The following RAB38 variants were observed in gnomAD, a reference collection of about 807,000 sequenced individuals.
The protein encoded by RAB38 is RAB38, member RAS oncogene family.
Under a neutral mutation model 18.4 loss-of-function variants are expected in RAB38, and 15 were observed. The ratio of observed to expected loss-of-function variants is 0.82; its 90% confidence interval spans 0.55 to 1.26. RAB38 has a LOEUF of 1.26. Among genes scored for constraint, RAB38 ranks in the 50% most tolerant of loss-of-function variants. The pLI is 0.00. For synonymous variants in RAB38, 101 were observed against 104.4 expected (o/e 0.97, Z 0.20); for missense variants, 294 against 267.4 (o/e 1.10, Z -0.69).
the RAB38 span, among the ~76,000 whole-genome samples, chr11:87,907,623 TA>T: frequency 1.5e-3 from 226 of 151,812 alleles, no homozygotes; most frequent in African/African-American, 5.3e-3. Context: ...AAACCATGGA[TA>T]TTTTTGACAT....
chr11:87,815,478 A>G, the RAB38 span: 1 of 152,144 alleles, frequency 6.6e-6, no homozygotes, highest in South Asian at 2.1e-4. Context: ...TAAGCCTAGA[A>G]TATCTTTGGA....
chr11:88,028,993 C>T, the RAB38 span, among the ~76,000 whole-genome samples: 12 of 152,076 alleles, frequency 7.9e-5, no homozygotes, highest in African/African-American at 2.9e-4. Flanking sequence ...GGTCGGGTTA[C>T]CCTCAAAGGG....
chr11:87,876,677 C>CT, the RAB38 span, among the ~76,000 whole-genome samples: 1 of 151,422 alleles, frequency 6.6e-6, no homozygotes, highest in Non-Finnish European at 1.5e-5. Context: ...TTTCCATTGT[C>CT]TTTAAGTTTG....
chr11:87,866,681 G>A, the RAB38 span, among the ~76,000 whole-genome samples: 3 of 151,694 alleles, frequency 2.0e-5, no homozygotes, highest in African/African-American at 7.3e-5. Context: ...AGTGGGCAAG[G>A]TGGTGGAACT....
chr11:87,864,888 C>A, the RAB38 span, among the ~76,000 whole-genome samples: 1 of 151,940 alleles, frequency 6.6e-6, no homozygotes, highest in Non-Finnish European at 1.5e-5. Flanking sequence ...CCTAAACAAA[C>A]TTCCAGAGAT....
intron 2 of RAB38, among the ~76,000 whole-genome samples, chr11:88,146,934 G>A (rs1942994617): frequency 6.6e-6 from 1 of 152,172 alleles, no homozygotes; most frequent in African/African-American, 2.4e-5. Context: ...TGGAGGATTA[G>A]AAATCCAGTA....
chr11:87,974,601 A>G, the RAB38 span, among the ~76,000 whole-genome samples: 4 of 151,890 alleles, frequency 2.6e-5, no homozygotes, highest in African/African-American at 9.7e-5. Flanking sequence ...CCTCAAATAT[A>G]GCAAAAATTG....
chr11:87,893,022 A>G, the RAB38 span, among the ~76,000 whole-genome samples: 1 of 151,734 alleles, frequency 6.6e-6, no homozygotes, highest in Non-Finnish European at 1.5e-5. Context: ...ACATAAGACA[A>G]TAAATATAAA....
chr11:87,924,032 G>C, the RAB38 span, among the ~76,000 whole-genome samples: 1 of 148,814 alleles, frequency 6.7e-6, no homozygotes, highest in Non-Finnish European at 1.5e-5. Flanking sequence ...AGTAAATACA[G>C]ACACACACAC....
the RAB38 span, among the ~76,000 whole-genome samples, chr11:88,029,664 C>A: frequency 6.6e-6 from 1 of 152,128 alleles, no homozygotes; most frequent in African/African-American, 2.4e-5. Context: ...GGCATCAATT[C>A]AACAAGAAGA....
chr11:87,973,622 A>T, the RAB38 span, among the ~76,000 whole-genome samples: 1 of 143,446 alleles, frequency 7.0e-6, no homozygotes, highest in South Asian at 2.4e-4. Flanking sequence ...GTTACTAGAC[A>T]GGACAAAGCT....
At chr11:88,006,678 A>C in the RAB38 span, among the ~76,000 whole-genome samples, 1 of 145,806 alleles carries the variant, frequency 6.9e-6, no homozygotes. Flanking sequence ...AGCCATAAAA[A>C]ATGAAATCCT....
chr11:88,163,221 G>C (rs1418660179), intron 1 of RAB38, among the ~76,000 whole-genome samples: 4 of 152,106 alleles, frequency 2.6e-5, no homozygotes, highest in African/African-American at 9.7e-5. Flanking sequence ...GGTACCCTAA[G>C]AGGCTGTTAC....
At chr11:87,947,741 T>A in the RAB38 span, among the ~76,000 whole-genome samples, 1 of 152,174 alleles carries the variant, frequency 6.6e-6, no homozygotes, top group Non-Finnish European at 1.5e-5. Flanking sequence ...GTTCCATTGG[T>A]CTATATCTCT....
the RAB38 span, among the ~76,000 whole-genome samples, chr11:88,027,801 A>C: frequency 0.072 from 10,886 of 152,034 alleles, 631 homozygotes; most frequent in African/African-American, 0.14. Flanking sequence ...GGGGGCAGGG[A>C]ACAGACAAAC....
the RAB38 span, among the ~76,000 whole-genome samples, chr11:88,019,122 C>G: frequency 1.3e-5 from 2 of 152,028 alleles, no homozygotes; most frequent in East Asian, 1.9e-4. Flanking sequence ...ACACTATACT[C>G]TTTTCCTAAC....
At chr11:88,059,180 A>AGC in the RAB38 span, among the ~76,000 whole-genome samples, 3 of 59,346 alleles carry the variant, frequency 5.1e-5, no homozygotes, top group African/African-American at 1.7e-4. Context: ...ATAAAATAAG[A>AGC]ACGTGTGAAA....
At chr11:88,057,281 A>G in the RAB38 span, among the ~76,000 whole-genome samples, 1 of 152,160 alleles carries the variant, frequency 6.6e-6, no homozygotes, top group Non-Finnish European at 1.5e-5. Flanking sequence ...TGCCCTCCCA[A>G]TTCCCAGAAC....
At chr11:87,812,203 T>C in the RAB38 span, among the ~76,000 whole-genome samples, 18 of 152,362 alleles carry the variant, frequency 1.2e-4, no homozygotes, top group African/African-American at 3.8e-4. Flanking sequence ...AATGAATAGA[T>C]ATGACCTGAT....
Sources: allele counts gnomAD v4.1 joint callset (sites outside exome capture counted in the v4.1 genomes callset), GRCh38; gene constraint gnomAD v4.1.1; transcripts MANE v1.5; gene names NCBI Gene and HGNC (gene_info 2026-07-23, HGNC 2026-07-21).